Variants in GPR63 observed in about 807,000 individuals in gnomAD.
GPR63 encodes G protein-coupled receptor 63.
GPR63 carries 12 observed loss-of-function variants against 23.1 expected under a neutral mutation model. That is an observed-to-expected ratio of 0.52 (90% CI 0.33 to 0.84). The LOEUF (loss-of-function observed/expected upper bound fraction) is 0.84, where lower values mean the gene tolerates loss of function less well. GPR63 is among the 40% of genes least tolerant of loss of function. The pLI is 0.02. For missense variants in GPR63, 472 were observed against 515.6 expected, an observed-to-expected ratio of 0.92 and a Z score of 0.82; for synonymous variants, 172 against 191.1, an observed-to-expected ratio of 0.90 and a Z score of 0.82.
chr6:96,831,862 C>T (rs756179792), intron 1 of GPR63, among the ~76,000 whole-genome samples: 2 of 151,444 alleles, frequency 1.3e-5, no homozygotes, highest in Non-Finnish European at 1.5e-5. Flanking sequence ...GCCGAGATCG[C>T]GCCACTGCAT....
intron 1 of GPR63, among the ~76,000 whole-genome samples, chr6:96,815,179 A>C (rs547153040): frequency 6.6e-6 from 1 of 152,358 alleles, no homozygotes; most frequent in South Asian, 2.1e-4. Context: ...GAGCGAGATA[A>C]TTTAACTTCA....
intron 1 of GPR63, among the ~76,000 whole-genome samples, chr6:96,803,437 A>C (rs1368947225): frequency 1.3e-5 from 2 of 152,252 alleles, no homozygotes; most frequent in African/African-American, 4.8e-5. Flanking sequence ...TTTAACAAAG[A>C]AATTAAACAA....
Position 96,798,534 on chromosome 6 carries a change from T to A in GPR63, c.1198A>T (p.Thr400Ser). Reference sequence around the variant, plus strand: ...GCACTAGGACGTATCCGTCGCTTTGTGTGACCAGGGAGCTGCGGCAAAAAC... The same window carrying A: ...GCACTAGGACGTATCCGTCGCTTTGAGTGACCAGGGAGCTGCGGCAAAAAC... ...FKFLPQLPGH[T>S]KRRIRPSAVY... The change falls in exon 2 of 2, where the codon ACA becomes TCA. Residue 400 changes from threonine (T) to serine (S), a missense_variant. Thr to Ser is a moderately conservative substitution (Grantham distance 58). Coordinates refer to ENST00000229955, the MANE Select transcript of GPR63 (RefSeq NM_030784.4). 1 of 1,614,212 alleles carries A rather than the reference T, an allele frequency of 6.2e-7. No homozygotes were observed. The highest frequency in any genetic ancestry group is 8.5e-7 in the Non-Finnish European group (1 of 1,180,044).
intron 1 of GPR63, among the ~76,000 whole-genome samples, chr6:96,825,168 A>AT (rs1262693695): frequency 6.6e-6 from 1 of 152,172 alleles, no homozygotes; most frequent in Non-Finnish European, 1.5e-5. Flanking sequence ...AGTGATGTGT[A>AT]TATGTGTATG....
In GPR63 at chr6:96,799,724, A is replaced by G; in HGVS notation, c.8T>C (p.Phe3Ser). MV[F>S]SAVLTAFHTG... is the part of the protein sequence containing the mutation. Reference sequence around the variant, plus strand: ...ATGGAACGCAGTCAACACTGCCGAGAAGACCATGGTTTCAGTAGGATGGAA... The same window carrying G: ...ATGGAACGCAGTCAACACTGCCGAGGAGACCATGGTTTCAGTAGGATGGAA... The change falls in exon 2 of 2, where the codon TTC (phenylalanine) becomes TCC (serine). Residue 3 changes from phenylalanine (F) to serine (S), a missense_variant. Physicochemically the swap from Phe to Ser is radical, Grantham distance 155. Coordinates refer to ENST00000229955, the MANE Select transcript of GPR63 (RefSeq NM_030784.4). 1 of 1,614,212 alleles carries G rather than the reference A, an allele frequency of 6.2e-7. No homozygotes were observed. The highest frequency in any genetic ancestry group is 1.1e-5 in the South Asian group (1 of 91,088).
At chr6:96,828,440 AAT>A (rs1366903403) in intron 1 of GPR63, among the ~76,000 whole-genome samples, 4 of 152,028 alleles carry the variant, frequency 2.6e-5, no homozygotes, top group African/African-American at 9.7e-5. Flanking sequence ...TCAATTCCGT[AAT>A]AGAAGGCAAA....
intron 1 of GPR63, among the ~76,000 whole-genome samples, chr6:96,811,178 T>C (rs1774033805): frequency 6.6e-6 from 1 of 152,122 alleles, no homozygotes; most frequent in African/African-American, 2.4e-5. Flanking sequence ...GCTCTAAAGG[T>C]TGGCCTTGAT....
At chr6:96,829,420 C>T (rs1321390753) in intron 1 of GPR63, among the ~76,000 whole-genome samples, 6 of 152,106 alleles carry the variant, frequency 3.9e-5, no homozygotes, top group African/African-American at 1.2e-4. Context: ...AGGACAGGCA[C>T]GGTGGCTGAT....
Position 96,799,530 on chromosome 6 carries a change from TG to T in GPR63, c.201del (p.Thr68GlnfsTer9). ...AGGCTCTTAAATGCTGCTGGTGTTG[TG>T]GGCACAGCTGTACTATTCACGGTCA... is the stretch of plus-strand genomic sequence containing the variant. ...SSLTVNSTAV[P>X]TTPAAFKSLN... On this transcript the variant is annotated frameshift_variant, in exon 2 of 2. Transcript: ENST00000229955. LOFTEE classifies it high-confidence loss of function. 1 of 1,614,134 alleles carries T rather than the reference TG, an allele frequency of 6.2e-7. No homozygotes were observed. Among genetic ancestry groups the T allele is most frequent in the Non-Finnish European group, 8.5e-7 (1 of 1,179,994 alleles).
intron 1 of GPR63, among the ~76,000 whole-genome samples, chr6:96,810,738 A>G (rs1169939223): frequency 6.6e-6 from 1 of 152,188 alleles, no homozygotes; most frequent in Non-Finnish European, 1.5e-5. Flanking sequence ...GCATATGTAC[A>G]TAGGTATAGA....
intron 1 of GPR63, among the ~76,000 whole-genome samples, chr6:96,811,778 A>G (rs1774049738): frequency 6.6e-6 from 1 of 152,010 alleles, no homozygotes; most frequent in East Asian, 1.9e-4. Context: ...TTCTGTTTTG[A>G]AAAAGGTGGA....
chr6:96,837,284 C>A lies in GPR63; in HGVS notation c.-167G>T, dbSNP rs1489751074. 6.6e-6 allele frequency: 1 copy of A among 152,418 alleles called. No homozygotes were observed. Among genetic ancestry groups the A allele is most frequent in the Non-Finnish European group, 1.5e-5 (1 of 68,240 alleles). 9.4% of individuals were successfully genotyped at this position (152,418 alleles called of 1,614,324 possible). A position where few individuals can be genotyped will look rare whatever the true frequency, so the allele number is the denominator to read the frequency against. On this transcript the variant is annotated 5_prime_UTR_variant, in exon 1 of 2. Transcript: ENST00000229955. The stretch of plus-strand genomic sequence containing the variant: ...TCACCTCACCTCAAGCGAAGGGCAG[C>A]GCGCGGGCGCCCGCGGAAGAGCCCA...
At chr6:96,832,284 A>G (rs187727228) in intron 1 of GPR63, among the ~76,000 whole-genome samples, 1 of 151,638 alleles carries the variant, frequency 6.6e-6, no homozygotes, top group East Asian at 1.9e-4. Context: ...TTCTTTTTGA[A>G]GACAGGGTCT....
intron 1 of GPR63, among the ~76,000 whole-genome samples, chr6:96,833,765 G>T (rs565440722): frequency 1.3e-5 from 2 of 152,298 alleles, no homozygotes; most frequent in East Asian, 1.9e-4. Flanking sequence ...ATTTGAAAAT[G>T]ATCTAAGAAT....
intron 1 of GPR63, among the ~76,000 whole-genome samples, chr6:96,813,873 A>G (rs1774100327): frequency 6.6e-6 from 1 of 152,312 alleles, no homozygotes; most frequent in African/African-American, 2.4e-5. Flanking sequence ...TATTAACATA[A>G]GGGTGAGCCA....
At chr6:96,811,880 AT>A (rs1288728193) in intron 1 of GPR63, among the ~76,000 whole-genome samples, 7 of 149,104 alleles carry the variant, frequency 4.7e-5, no homozygotes, top group Non-Finnish European at 7.4e-5. Context: ...AAATAAATAA[AT>A]AAATAAATAA....
chr6:96,811,477 A>C (rs1774042420), intron 1 of GPR63, among the ~76,000 whole-genome samples: 1 of 152,244 alleles, frequency 6.6e-6, no homozygotes, highest in Non-Finnish European at 1.5e-5. Flanking sequence ...TCTCTCTCTC[A>C]TTCTGGGCCA....
intron 1 of GPR63, among the ~76,000 whole-genome samples, chr6:96,831,069 A>C (rs956487044): frequency 1.3e-5 from 2 of 152,264 alleles, no homozygotes; most frequent in Non-Finnish European, 2.9e-5. Context: ...TTAAATGTTA[A>C]GAGTCCAGGA....
At chr6:96,817,847 G>A (rs766890562) in intron 1 of GPR63, among the ~76,000 whole-genome samples, 28 of 151,482 alleles carry the variant, frequency 1.8e-4, no homozygotes, top group Non-Finnish European at 3.7e-4. Flanking sequence ...GTTATGACTG[G>A]GAAAGGGTTT....
Sources: allele counts gnomAD v4.1 joint callset (sites outside exome capture counted in the v4.1 genomes callset), GRCh38; gene constraint gnomAD v4.1.1; transcripts MANE v1.5; gene names NCBI Gene and HGNC (gene_info 2026-07-23, HGNC 2026-07-21).